DOK6: variants seen among roughly 807,000 people sequenced by gnomAD.
DOK6 encodes docking protein 6.
DOK6 carries 22 observed loss-of-function variants against 44.0 expected under a neutral mutation model. That is an observed-to-expected ratio of 0.50 (90% CI 0.36 to 0.71). DOK6 has a LOEUF of 0.71. Among genes scored for constraint, DOK6 ranks in the 30% least tolerant of loss-of-function variants. The probability of loss-of-function intolerance (pLI) is 0.00; values close to 1 mark genes in which losing one functional copy is unlikely to be tolerated. For missense variants in DOK6, 340 were observed against 416.4 expected, an observed-to-expected ratio of 0.82 and a Z score of 1.60; for synonymous variants, 166 against 145.5, an observed-to-expected ratio of 1.14 and a Z score of -1.01.
At chr18:69,627,771 G>C (rs937393277) in intron 3 of DOK6, among the ~76,000 whole-genome samples, 12 of 152,098 alleles carry the variant, frequency 7.9e-5, no homozygotes, top group Non-Finnish European at 8.8e-5. Context: ...ACTTTTCTAT[G>C]GTCTTCAAAG....
intron 1 of DOK6, among the ~76,000 whole-genome samples, chr18:69,441,186 T>C (rs1979128060): frequency 6.6e-6 from 1 of 152,112 alleles, no homozygotes; most frequent in East Asian, 1.9e-4. Context: ...CCAGATGAAG[T>C]TAAAGTAACA....
At chr18:69,712,004 G>A (rs1053263607) in intron 5 of DOK6, among the ~76,000 whole-genome samples, 23 of 152,020 alleles carry the variant, frequency 1.5e-4, no homozygotes, top group South Asian at 6.2e-4. Context: ...CTTTTCGGCC[G>A]GGCGCGGTGG....
rs924459340 is a variant in DOK6, at chr18:69,599,582, G to C, written c.289+84G>C. The C allele has an allele frequency of 7.7e-6, 8 of 1,044,100 alleles. No homozygotes were observed. The African/African-American group carries it at 1.3e-4, about 17-fold the overall frequency. The allele number at this position is 1,044,100 out of a possible 1,614,324, so 64.7% of individuals were successfully genotyped here. On this transcript the variant is annotated intron_variant, in intron 3 of 7. Coordinates refer to ENST00000382713, the MANE Select transcript of DOK6 (RefSeq NM_152721.6). ...CCCAGGCGGATTAAGGTACACTATT[G>C]AACAGGATGGCCTACTGTCATGAGA...
At chr18:69,428,936 C>T (rs929112094) in intron 1 of DOK6, among the ~76,000 whole-genome samples, 1 of 152,150 alleles carries the variant, frequency 6.6e-6, no homozygotes, top group Non-Finnish European at 1.5e-5. Flanking sequence ...CTACGTGATA[C>T]GTGGAAAAGA....
chr18:69,561,035 G>A (rs115139825), intron 1 of DOK6, among the ~76,000 whole-genome samples: 3 of 152,148 alleles, frequency 2.0e-5, no homozygotes, highest in Non-Finnish European at 2.9e-5. Context: ...TAGGAAAAAA[G>A]TGTCCCTTCA....
At chr18:69,466,757 G>GA (rs1343769933) in intron 1 of DOK6, among the ~76,000 whole-genome samples, 2 of 149,730 alleles carry the variant, frequency 1.3e-5, no homozygotes, top group African/African-American at 4.9e-5. Context: ...AGACTCAAGG[G>GA]AAAAAAAAGT....
intron 1 of DOK6, among the ~76,000 whole-genome samples, chr18:69,465,945 A>T (rs952145082): frequency 3.3e-5 from 5 of 152,210 alleles, no homozygotes; most frequent in African/African-American, 7.2e-5. Context: ...TATATGGTGT[A>T]TGACATGATG....
chr18:69,509,772 A>G (rs2053523), intron 1 of DOK6, among the ~76,000 whole-genome samples: 17,720 of 152,158 alleles, frequency 0.12, 1,344 homozygotes, highest in Non-Finnish European at 0.16. Flanking sequence ...CTGCACATTT[A>G]ACAGCTCTCA....
chr18:69,656,059 A>C (rs1359508305), intron 3 of DOK6, among the ~76,000 whole-genome samples: 2 of 152,156 alleles, frequency 1.3e-5, no homozygotes, highest in Admixed American at 6.5e-5. Flanking sequence ...ATAATGGTTT[A>C]TATGTAAAAT....
intron 3 of DOK6, among the ~76,000 whole-genome samples, chr18:69,633,608 T>C (rs1984737749): frequency 6.6e-6 from 1 of 152,228 alleles, no homozygotes; most frequent in Non-Finnish European, 1.5e-5. Flanking sequence ...AAATTTCCTA[T>C]TTTGTTTTCC....
In DOK6 at chr18:69,814,731, C is replaced by T. The variant is rs186331237; in HGVS notation, c.857-26513C>T. 1.5e-3 allele frequency among the ~76,000 whole-genome samples: 223 copies of T among 152,110 alleles called. 1 individual carries two copies. Among genetic ancestry groups the T allele is most frequent in the Admixed American group, 2.7e-3 (41 of 15,278 alleles). ...GAGAGTGCAAGGGGAAAGTGTCACG[C>T]ACTTTTAAACCACCAGGTCTCATGA... On this transcript the variant is annotated intron_variant, in intron 7 of 7. Coordinates refer to ENST00000382713, the MANE Select transcript of DOK6 (RefSeq NM_152721.6).
rs182001212 is a variant in DOK6, at chr18:69,668,037, A to G, written c.290-9697A>G. On this transcript the variant is annotated intron_variant, in intron 3 of 7. Coordinates refer to ENST00000382713, the MANE Select transcript of DOK6 (RefSeq NM_152721.6). ...ATCTGCTTTTCTCATAGTCTTCATC[A>G]TCTCACTACATGATAAATCCATTTT... Among the ~76,000 whole-genome samples the G allele has an allele frequency of 2.2e-3, 333 of 152,300 alleles. 1 individual carries two copies. The highest frequency in any genetic ancestry group is 3.9e-3 in the Admixed American group (59 of 15,304).
intron 5 of DOK6, among the ~76,000 whole-genome samples, chr18:69,732,100 T>TC (rs1322521536): frequency 6.6e-6 from 1 of 152,228 alleles, no homozygotes; most frequent in Non-Finnish European, 1.5e-5. Context: ...TGCTTTTTTT[T>TC]CCTATCAGAA....
chr18:69,443,592 A>G (rs554884998), intron 1 of DOK6, among the ~76,000 whole-genome samples: 12 of 152,162 alleles, frequency 7.9e-5, no homozygotes, highest in Non-Finnish European at 1.3e-4. Flanking sequence ...GTTTTCTGAT[A>G]TGATTGTGCT....
At chr18:69,667,921 A>G (rs1457554334) in intron 3 of DOK6, among the ~76,000 whole-genome samples, 1 of 152,228 alleles carries the variant, frequency 6.6e-6, no homozygotes, top group East Asian at 1.9e-4. Context: ...CCAAGCTCAT[A>G]TAGTGAACTG....
At chr18:69,808,712 A>G (rs993860404) in intron 7 of DOK6, among the ~76,000 whole-genome samples, 2 of 151,870 alleles carry the variant, frequency 1.3e-5, no homozygotes, top group African/African-American at 4.8e-5. Context: ...ATTCCTAAAC[A>G]TATACAATCT....
chr18:69,511,183 G>A (rs17081094), intron 1 of DOK6, among the ~76,000 whole-genome samples: 5,675 of 152,200 alleles, frequency 0.037, 335 homozygotes, highest in African/African-American at 0.13. Context: ...TGACAGTTAT[G>A]TAGCTCTTCA....
intron 7 of DOK6, among the ~76,000 whole-genome samples, chr18:69,814,296 A>G (rs1599340023): frequency 6.6e-6 from 1 of 152,212 alleles, no homozygotes; most frequent in East Asian, 1.9e-4. Context: ...CAGTGCAACC[A>G]AAGTGTATGT....
intron 6 of DOK6, among the ~76,000 whole-genome samples, chr18:69,742,363 G>A (rs924918381): frequency 8.1e-5 from 12 of 149,060 alleles, no homozygotes; most frequent in Non-Finnish European, 1.5e-4. Context: ...GCAGTGAGCC[G>A]AGTTCGTGCC....
Sources: allele counts gnomAD v4.1 joint callset (sites outside exome capture counted in the v4.1 genomes callset), GRCh38; gene constraint gnomAD v4.1.1; transcripts MANE v1.5; gene names NCBI Gene and HGNC (gene_info 2026-07-23, HGNC 2026-07-21).